The following PABPN1L variants were observed in gnomAD, a reference collection of about 807,000 sequenced individuals.
The protein encoded by PABPN1L is embryonic polyadenylate-binding protein 2.
Under a neutral mutation model 34.0 loss-of-function variants are expected in PABPN1L, and 45 were observed. The ratio of observed to expected loss-of-function variants is 1.32; its 90% confidence interval spans 1.04 to 1.70. PABPN1L has a LOEUF of 1.70. Among genes scored for constraint, PABPN1L ranks in the 40% most tolerant of loss-of-function variants. The pLI is 0.00. For missense variants in PABPN1L, 459 were observed against 367.8 expected (o/e 1.25, Z -2.03); for synonymous variants, 182 against 152.1 (o/e 1.20, Z -1.45).
chr16:88,867,740 G>A (rs899272519), upstream of PABPN1L, among the ~76,000 whole-genome samples: 2 of 152,186 alleles, frequency 1.3e-5, no homozygotes, highest in African/African-American at 2.4e-5. Context: ...GAGGTGACCC[G>A]TGTCCGCCCT....
upstream of PABPN1L, among the ~76,000 whole-genome samples, chr16:88,868,910 G>A (rs116813563): frequency 0.012 from 1,862 of 152,292 alleles, 44 homozygotes; most frequent in African/African-American, 0.043. Flanking sequence ...GGAGGGTAAC[G>A]TTAGCTCTGT....
upstream of PABPN1L, among the ~76,000 whole-genome samples, chr16:88,867,239 T>A (rs1196119760): frequency 4.3e-4 from 65 of 151,902 alleles, no homozygotes; most frequent in African/African-American, 1.2e-3. Flanking sequence ...TTTTTTCTTT[T>A]TTTTTTAGGC....
At chr16:88,863,541 G>A (rs1055087629) in exon 7 of PABPN1L, 3 of 663,970 alleles carry the variant, frequency 4.5e-6, no homozygotes, top group African/African-American at 1.8e-5. Context: ...CCACCGGGCC[G>A]TGGCTGTGAC....
At chr16:88,864,429 A>G in intron 5 of PABPN1L, 50 bp from the exon 6 acceptor site, 2 of 1,516,438 alleles carry the variant, frequency 1.3e-6, no homozygotes, top group Non-Finnish European at 1.8e-6. Flanking sequence ...GCCGAGACCC[A>G]GCTCACAGCC....
chr16:88,865,390 G>A (rs562562132), intron 3 of PABPN1L, among the ~76,000 whole-genome samples, 173 bp downstream of exon 3: 1 of 152,076 alleles, frequency 6.6e-6, no homozygotes, highest in South Asian at 2.1e-4. Flanking sequence ...TCCAGCTCAT[G>A]TTGAAAAACT....
upstream of PABPN1L, among the ~76,000 whole-genome samples, chr16:88,867,433 G>A (rs2143021015): frequency 6.6e-6 from 1 of 152,164 alleles, no homozygotes; most frequent in African/African-American, 2.4e-5. Flanking sequence ...GTTTCACCAT[G>A]TTGCCCAGGC....
chr16:88,863,901 T>C (rs986461151), intron 6 of PABPN1L, 106 bp from the exon 7 acceptor site: 1 of 1,195,516 alleles, frequency 8.4e-7, no homozygotes, highest in African/African-American at 1.5e-5. Context: ...GTCACCTGGC[T>C]GCTCAGGCAA....
At chr16:88,863,816 C>T in intron 6 of PABPN1L, 21 bp from the exon 7 acceptor site, 2 of 1,534,324 alleles carry the variant, frequency 1.3e-6, no homozygotes, top group East Asian at 2.4e-5. Context: ...AGAGAACACA[C>T]ACTGAGTGGC....
At chr16:88,867,452 A>C (rs1968626166), upstream of PABPN1L, among the ~76,000 whole-genome samples, 1 of 152,022 alleles carries the variant, frequency 6.6e-6, no homozygotes, top group Admixed American at 6.5e-5. Context: ...GCTGGTCTCG[A>C]ACTCCTGACC....
At chr16:88,863,971 G>A (rs1403826438) in intron 6 of PABPN1L, among the ~76,000 whole-genome samples, 176 bp from the exon 7 acceptor site, 1 of 152,206 alleles carries the variant, frequency 6.6e-6, no homozygotes, top group African/African-American at 2.4e-5. Flanking sequence ...CCACGAAAAG[G>A]AAAGGCAGTG....
chr16:88,865,965 G>A (rs568089392), intron 1 of PABPN1L, 24 bp from the exon 2 acceptor site: 19 of 1,595,314 alleles, frequency 1.2e-5, no homozygotes, highest in Admixed American at 5.1e-5. Context: ...GCCCTGAGCC[G>A]GGCAGGCAGC....
exon 6 of PABPN1L, chr16:88,864,335 G>A (rs778539389): frequency 1.5e-5 from 23 of 1,555,650 alleles, no homozygotes; most frequent in Non-Finnish European, 1.9e-5. Context: ...GGCCCCCGCG[G>A]TCTGTGGAGC....
upstream of PABPN1L, among the ~76,000 whole-genome samples, chr16:88,867,171 C>T (rs1968621466): frequency 6.6e-6 from 1 of 150,654 alleles, no homozygotes; most frequent in African/African-American, 2.4e-5. Flanking sequence ...GCATCCTGAC[C>T]CCCATGGAGT....
At chr16:88,863,964 C>T (rs925117725) in intron 6 of PABPN1L, among the ~76,000 whole-genome samples, 169 bp from the exon 7 acceptor site, 2 of 152,154 alleles carry the variant, frequency 1.3e-5, no homozygotes, top group Non-Finnish European at 2.9e-5. Context: ...GAGGGTCCCA[C>T]GAAAAGGAAA....
Position 88,863,695 on chromosome 16 carries a change from A to C in PABPN1L, c.*61T>G, listed in dbSNP as rs1392853249. The C allele has an allele frequency of 5.9e-6, 9 of 1,514,834 alleles. No homozygotes were observed. In the East Asian group the frequency reaches 1.7e-4, roughly 29 times the overall value. The allele number at this position is 1,514,834 out of a possible 1,614,324, so 93.8% of individuals were successfully genotyped here. On this transcript the variant is annotated 3_prime_UTR_variant, in exon 7 of 7. Coordinates refer to ENST00000419291, the Ensembl canonical transcript of PABPN1L. ...ACTCCCTGCCCCAGCCCCAGGATGGAGCACAAGTGGTTTACTCCTGATCCA... is the reference window on the plus strand; with the variant it reads ...ACTCCCTGCCCCAGCCCCAGGATGGCGCACAAGTGGTTTACTCCTGATCCA...
Position 88,865,558 on chromosome 16 carries a change from C to T in PABPN1L, c.459+5G>A, listed in dbSNP as rs1968570764. 1 of 1,611,288 alleles carries T rather than the reference C, an allele frequency of 6.2e-7. No homozygotes were observed. Among genetic ancestry groups the T allele is most frequent in the Non-Finnish European group, 8.5e-7 (1 of 1,179,332 alleles). On this transcript the variant is annotated splice_donor_5th_base_variant and intron_variant, in intron 3 of 6. Transcript: ENST00000419291. ...GCCTGCCCCTTCACCCCGCCCACCA[C>T]TCACGTTGCCCACGTAGACGGATCT...
chr16:88,864,985 C>T (rs1968555010), intron 4 of PABPN1L, 37 bp downstream of exon 4: 2 of 1,599,968 alleles, frequency 1.3e-6, no homozygotes, highest in Non-Finnish European at 1.7e-6. Context: ...TGGGCCCTGT[C>T]CGCATGGCCA....
chr16:88,868,379 G>T (rs1386276130), upstream of PABPN1L, among the ~76,000 whole-genome samples: 1 of 152,154 alleles, frequency 6.6e-6, no homozygotes, highest in Non-Finnish European at 1.5e-5. Flanking sequence ...GAGGTGAGCG[G>T]ATCACTTAAG....
chr16:88,863,728 G>A lies in PABPN1L; in HGVS notation c.*28C>T, dbSNP rs1365723438. On this transcript the variant is annotated 3_prime_UTR_variant, in exon 7 of 7. Coordinates refer to ENST00000419291, the Ensembl canonical transcript of PABPN1L. ...TGGTTTACTCCTGATCCAGGCCCCA[G>A]CCCCTCTCTCAAAATCGGGTCTTCC... The A allele has an allele frequency of 5.9e-6, 9 of 1,535,604 alleles. No individual in the cohort carries two copies. In the African/African-American group the frequency reaches 1.1e-4, roughly 19 times the overall value.
Sources: gnomAD v4.1 joint callset for allele counts (sites outside exome capture counted in the v4.1 genomes callset) on GRCh38, gnomAD v4.1.1 for gene constraint, MANE v1.5 for transcripts, NCBI Gene and HGNC (gene_info 2026-07-23, HGNC 2026-07-21) for gene names.